Variants in THSD7A observed in about 807,000 individuals in gnomAD.
The protein encoded by THSD7A is thrombospondin type-1 domain-containing protein 7A.
In THSD7A, 96 loss-of-function variants were observed where a neutral mutation model predicts 231.3. That is an observed-to-expected ratio of 0.41 (90% CI 0.35 to 0.49). THSD7A has a LOEUF of 0.49. Among genes scored for constraint, THSD7A ranks in the 20% least tolerant of loss-of-function variants. THSD7A has a pLI of 0.05. For synonymous variants in THSD7A, 940 were observed against 743.3 expected, an observed-to-expected ratio of 1.26 and a Z score of -4.30; for missense variants, 2,290 against 2,070.2, an observed-to-expected ratio of 1.11 and a Z score of -2.06.
At chr7:11,818,680 A>T (rs977638987) in intron 1 of THSD7A, among the ~76,000 whole-genome samples, 7 of 152,232 alleles carry the variant, frequency 4.6e-5, no homozygotes, top group Non-Finnish European at 7.3e-5. Context: ...TAACCATACC[A>T]GAGTCCGCTA....
At chr7:11,758,490 G>C (rs539702861) in intron 1 of THSD7A, among the ~76,000 whole-genome samples, 31 of 152,154 alleles carry the variant, frequency 2.0e-4, no homozygotes, top group African/African-American at 7.5e-4. Context: ...ATCTTGGCTG[G>C]TGCAGGGTTT....
intron 1 of THSD7A, among the ~76,000 whole-genome samples, chr7:11,765,129 A>G (rs1782992017): frequency 1.3e-5 from 2 of 152,130 alleles, no homozygotes; most frequent in South Asian, 4.1e-4. Context: ...CTGATACTGG[A>G]AAATGTGTAA....
chr7:11,696,429 T>C (rs977183179), intron 1 of THSD7A, among the ~76,000 whole-genome samples: 1 of 151,458 alleles, frequency 6.6e-6, no homozygotes, highest in Non-Finnish European at 1.5e-5. Flanking sequence ...TGTTTGTTTG[T>C]TTTATTTTAC....
chr7:11,794,164 TAAGAG>T (rs1342249212), intron 1 of THSD7A, among the ~76,000 whole-genome samples: 1 of 151,946 alleles, frequency 6.6e-6, no homozygotes, highest in Non-Finnish European at 1.5e-5. Context: ...GGGCAGGAGA[TAAGAG>T]AAGTCTGTGA....
At chr7:11,712,505 G>C (rs1342984553) in intron 1 of THSD7A, among the ~76,000 whole-genome samples, 1 of 150,832 alleles carries the variant, frequency 6.6e-6, no homozygotes, top group Non-Finnish European at 1.5e-5. Flanking sequence ...TTTGATACAG[G>C]ACAAACACTG....
chr7:11,820,082 T>C (rs1784823523), intron 1 of THSD7A, among the ~76,000 whole-genome samples: 1 of 151,220 alleles, frequency 6.6e-6, no homozygotes, highest in African/African-American at 2.4e-5. Flanking sequence ...TAAAGCCCAA[T>C]GCGTTGTGTT....
chr7:11,571,961 T>C (rs1050068253), intron 4 of THSD7A, among the ~76,000 whole-genome samples: 5 of 150,626 alleles, frequency 3.3e-5, no homozygotes, highest in Non-Finnish European at 5.9e-5. Context: ...GAATTTGAGA[T>C]TTTTTTTTTG....
At chr7:11,730,065 C>T (rs148033089) in intron 1 of THSD7A, among the ~76,000 whole-genome samples, 5 of 151,708 alleles carry the variant, frequency 3.3e-5, no homozygotes, top group East Asian at 2.0e-4. Context: ...ATGACTGTAA[C>T]GATTTAACAA....
intron 2 of THSD7A, among the ~76,000 whole-genome samples, chr7:11,611,830 A>ATCTGTCTAT (rs1780936564): frequency 1.4e-5 from 2 of 141,150 alleles, no homozygotes; most frequent in African/African-American, 5.3e-5. Context: ...ACACACACAC[A>ATCTGTCTAT]CTATCATCTG....
At chr7:11,757,069 C>T (rs1049405515) in intron 1 of THSD7A, among the ~76,000 whole-genome samples, 3 of 151,806 alleles carry the variant, frequency 2.0e-5, no homozygotes, top group Non-Finnish European at 4.4e-5. Context: ...TAATGTTTTA[C>T]ATCTAGTGTG....
chr7:11,480,038 ATAC>A (rs573734779), intron 7 of THSD7A, among the ~76,000 whole-genome samples: 153 of 152,312 alleles, frequency 1.0e-3, no homozygotes, highest in African/African-American at 3.5e-3. Flanking sequence ...CACCCTATAT[ATAC>A]AATTATTACA....
chr7:11,404,560 G>GCT (rs1438152467), intron 22 of THSD7A, among the ~76,000 whole-genome samples: 1 of 152,194 alleles, frequency 6.6e-6, no homozygotes, highest in African/African-American at 2.4e-5. Context: ...GTCACCTGCT[G>GCT]CCACAGCCTT....
intron 18 of THSD7A, among the ~76,000 whole-genome samples, chr7:11,412,009 G>C (rs774917653): frequency 6.6e-6 from 1 of 152,096 alleles, no homozygotes; most frequent in Non-Finnish European, 1.5e-5. Context: ...GTTTGTTGCA[G>C]AGTGAAAATT....
chr7:11,758,971 C>CA (rs964552565), intron 1 of THSD7A, among the ~76,000 whole-genome samples: 22 of 151,498 alleles, frequency 1.5e-4, no homozygotes, highest in Admixed American at 2.6e-4. Context: ...TAAGCCTGGT[C>CA]AAAAAAAACT....
At chr7:11,760,701 G>A (rs1409614940) in intron 1 of THSD7A, among the ~76,000 whole-genome samples, 1 of 151,836 alleles carries the variant, frequency 6.6e-6, no homozygotes, top group Non-Finnish European at 1.5e-5. Flanking sequence ...TGTACCAGAG[G>A]CTTTAGCACA....
intron 1 of THSD7A, among the ~76,000 whole-genome samples, chr7:11,654,975 G>A (rs1313021932): frequency 6.6e-6 from 1 of 151,864 alleles, no homozygotes; most frequent in Non-Finnish European, 1.5e-5. Context: ...CCTGAAGGAT[G>A]TCTTGATGAT....
chr7:11,748,758 T>A (rs7781073), intron 1 of THSD7A, among the ~76,000 whole-genome samples: 12,663 of 151,980 alleles, frequency 0.083, 755 homozygotes, highest in African/African-American at 0.16. Context: ...CTTTTAAAAA[T>A]ATTTTCTTAT....
At chr7:11,663,707 C>T (rs896324511) in intron 1 of THSD7A, among the ~76,000 whole-genome samples, 1 of 151,460 alleles carries the variant, frequency 6.6e-6, no homozygotes. Context: ...CCAACCGGAG[C>T]TTTCTCAAAG....
chr7:11,397,530 G>A (rs915269876), intron 23 of THSD7A, among the ~76,000 whole-genome samples: 1 of 152,148 alleles, frequency 6.6e-6, no homozygotes, highest in African/African-American at 2.4e-5. Flanking sequence ...AACACCAAAA[G>A]CAATGGCCAC....
Sources: allele counts gnomAD v4.1 joint callset (sites outside exome capture counted in the v4.1 genomes callset), GRCh38; gene constraint gnomAD v4.1.1; transcripts MANE v1.5; gene names NCBI Gene and HGNC (gene_info 2026-07-23, HGNC 2026-07-21).